The following AZIN2 variants were observed in gnomAD, a reference collection of about 807,000 sequenced individuals.
AZIN2 encodes the protein antizyme inhibitor 2, also known as ODC antizyme inhibitor-2.
A neutral mutation model predicts 47.8 loss-of-function variants in AZIN2; 28 were observed. The observed-to-expected ratio is 0.59, with a 90% CI of 0.43 to 0.80. The LOEUF (loss-of-function observed/expected upper bound fraction) is 0.80. AZIN2 is among the 30% of genes least tolerant of loss of function. The pLI is 0.00. For synonymous variants in AZIN2, 221 were observed against 239.4 expected, an observed-to-expected ratio of 0.92 and a Z score of 0.71; for missense variants, 535 against 582.5, an observed-to-expected ratio of 0.92 and a Z score of 0.84.
intron 11 of AZIN2, 138 bp from the exon 12 acceptor site, chr1:33,119,906 A>C (rs1027197871): frequency 2.5e-6 from 3 of 1,205,704 alleles, no homozygotes; most frequent in Non-Finnish European, 3.5e-6. Context: ...GGGAGGGGTC[A>C]GCAGCCTGTC....
chr1:33,136,630 A>G, the AZIN2 span, among the ~76,000 whole-genome samples: 1 of 151,672 alleles, frequency 6.6e-6, no homozygotes, highest in South Asian at 2.1e-4. Context: ...TCAGCCTCCC[A>G]AAGTGCTGGG....
the AZIN2 span, among the ~76,000 whole-genome samples, chr1:33,133,220 G>A: frequency 1.3e-5 from 2 of 152,258 alleles, no homozygotes; most frequent in Non-Finnish European, 2.9e-5. Context: ...CAAGGGCAAC[G>A]GAGGCTGTGA....
chr1:33,136,633 G>A, the AZIN2 span, among the ~76,000 whole-genome samples: 4 of 151,664 alleles, frequency 2.6e-5, no homozygotes, highest in Non-Finnish European at 5.9e-5. Context: ...GCCTCCCAAA[G>A]TGCTGGGATT....
chr1:33,081,677 C>A lies in AZIN2; in HGVS notation c.-208C>A. ...CTAGCACCTCAGGATCAGTCCAGCCCCCATTTACAATTGGGGAAACTGCGG... is the reference window on the plus strand; with the variant it reads ...CTAGCACCTCAGGATCAGTCCAGCCACCATTTACAATTGGGGAAACTGCGG... On this transcript the variant is annotated 5_prime_UTR_variant, in exon 3 of 12. Transcript: ENST00000294517. The surrounding 1 kb of genome is among the most constrained non-coding windows in gnomAD (Gnocchi z 4.2). The A allele has an allele frequency of 5.6e-6, 1 of 177,686 alleles. No individual in the cohort carries two copies. The allele number at this position is 177,686 out of a possible 1,614,324, so 11.0% of individuals were successfully genotyped here. A position where few individuals can be genotyped will look rare whatever the true frequency, so the allele number is the denominator to read the frequency against.
intron 10 of AZIN2, among the ~76,000 whole-genome samples, chr1:33,114,556 T>C (rs1267601570): frequency 2.0e-5 from 3 of 151,606 alleles, no homozygotes; most frequent in African/African-American, 7.3e-5. Context: ...GGTTTCACCG[T>C]GTTAGCCAGG....
At chr1:33,104,263 T>A (rs1327066548) in intron 10 of AZIN2, among the ~76,000 whole-genome samples, 1 of 152,210 alleles carries the variant, frequency 6.6e-6, no homozygotes, top group Non-Finnish European at 1.5e-5. Context: ...TTGATGTCAA[T>A]GTCTTTTTAT....
the AZIN2 span, among the ~76,000 whole-genome samples, chr1:33,138,640 A>AAAAAG: frequency 1.9e-4 from 29 of 149,456 alleles, no homozygotes; most frequent in South Asian, 8.5e-4. Context: ...AAAAAAAAAA[A>AAAAAG]AAAAAGAAAA....
chr1:33,162,665 C>A, the AZIN2 span, among the ~76,000 whole-genome samples: 11 of 152,148 alleles, frequency 7.2e-5, no homozygotes, highest in Non-Finnish European at 1.6e-4. Flanking sequence ...GTTTCAATGT[C>A]TCAAGGACGA....
the AZIN2 span, among the ~76,000 whole-genome samples, chr1:33,135,171 T>A: frequency 1.3e-5 from 2 of 152,158 alleles, no homozygotes; most frequent in African/African-American, 4.8e-5. Flanking sequence ...GTGCCTGTAA[T>A]CCCAGCTATT....
intron 10 of AZIN2, among the ~76,000 whole-genome samples, chr1:33,115,070 T>C (rs1468326126): frequency 6.6e-6 from 1 of 152,346 alleles, no homozygotes; most frequent in South Asian, 2.1e-4. Context: ...AGAAGGCAGC[T>C]AGGTGCAGCC....
Position 33,120,120 on chromosome 1 carries a change from G to A in AZIN2, c.1321G>A (p.Gly441Ser), listed in dbSNP as rs778897346. 2.1e-5 allele frequency: 34 copies of A among 1,613,960 alleles called. No homozygotes were observed. The highest frequency in any genetic ancestry group is 5.0e-5 in the Admixed American group (3 of 60,008). Residue 441 changes from glycine to serine, a missense_variant, in exon 12 of 12, where the codon GGC (glycine) becomes AGC (serine). Gly to Ser is a moderately conservative substitution (Grantham distance 56). Transcript: ENST00000294517. ...GGGTGTGTGCAAGCCTCTGTCCTGC[G>A]GCTGGGAGATCACAGACACCCTGTG... Reference protein sequence around the residue: ...VEGVCKPLSCGWEITDTLCVG... With the variant: ...VEGVCKPLSCSWEITDTLCVG...
chr1:33,142,408 A>G, the AZIN2 span: 1 of 152,352 alleles, frequency 6.6e-6, no homozygotes, highest in Non-Finnish European at 1.5e-5. Flanking sequence ...AGCCAGAGCT[A>G]ATGGCCTTAT....
chr1:33,092,341 A>C (rs1450985842), intron 6 of AZIN2, 119 bp downstream of exon 6: 2 of 36,870 alleles, frequency 5.4e-5, no homozygotes, highest in Admixed American at 9.4e-4. Flanking sequence ...TGGGCTTCAG[A>C]GTGAAGGGGG....
intron 10 of AZIN2, among the ~76,000 whole-genome samples, chr1:33,102,324 A>G (rs1224596753): frequency 5.3e-5 from 8 of 152,062 alleles, no homozygotes; most frequent in Non-Finnish European, 1.5e-5. Context: ...GGGACTTTGT[A>G]AGTTGGTGTT....
intron 10 of AZIN2, among the ~76,000 whole-genome samples, chr1:33,112,114 T>C (rs1173580815): frequency 6.6e-6 from 1 of 152,190 alleles, no homozygotes; most frequent in Non-Finnish European, 1.5e-5. Context: ...ATTAAAAGCA[T>C]GATAATGCCA....
At chr1:33,158,455 T>C in the AZIN2 span, 1 of 1,007,084 alleles carries the variant, frequency 9.9e-7, no homozygotes, top group African/African-American at 1.6e-5. Flanking sequence ...TCAGGGCAGC[T>C]GGCATAGGAT....
intron 5 of AZIN2, among the ~76,000 whole-genome samples, chr1:33,085,427 C>A (rs1289473570): frequency 6.6e-6 from 1 of 151,916 alleles, no homozygotes; most frequent in Non-Finnish European, 1.5e-5. Context: ...GGTAGATAAC[C>A]AGGGAAAGGG....
intron 5 of AZIN2, among the ~76,000 whole-genome samples, chr1:33,089,583 G>C (rs1642307981): frequency 6.6e-6 from 1 of 152,158 alleles, no homozygotes; most frequent in Admixed American, 6.5e-5. Context: ...TCAGATTCGG[G>C]GTAGGCCACA....
At chr1:33,140,048 G>T in the AZIN2 span, among the ~76,000 whole-genome samples, 1 of 152,152 alleles carries the variant, frequency 6.6e-6, no homozygotes, top group South Asian at 2.1e-4. The surrounding 1 kb of genome is among the most constrained non-coding windows in gnomAD (Gnocchi z 4.0). Context: ...TTTTGATGGA[G>T]GAATGAAAGA....
Sources: gnomAD v4.1 joint callset for allele counts (sites outside exome capture counted in the v4.1 genomes callset) on GRCh38, gnomAD v4.1.1 for gene constraint, Gnocchi (gnomAD v3.1) non-coding constraint, MANE v1.5 for transcripts, NCBI Gene and HGNC (gene_info 2026-07-23, HGNC 2026-07-21) for gene names.